PDS5B: variants seen among roughly 807,000 people sequenced by gnomAD.
The protein encoded by PDS5B is PDS5 cohesin associated factor B.
PDS5B carries 51 observed loss-of-function variants against 184.1 expected under a neutral mutation model. That is an observed-to-expected ratio of 0.28 (90% CI 0.22 to 0.35). PDS5B has a LOEUF of 0.35. Ranked by LOEUF, PDS5B falls within the 10% of genes least tolerant of loss-of-function variation. PDS5B has a pLI of 1.00. For missense variants in PDS5B, 1,180 were observed against 1,723.3 expected (o/e 0.68, Z 5.58); for synonymous variants, 566 against 569.2 (o/e 0.99, Z 0.08).
intron 1 of PDS5B, among the ~76,000 whole-genome samples, chr13:32,609,763 A>C (rs2058112882): frequency 6.6e-6 from 1 of 152,162 alleles, no homozygotes; most frequent in African/African-American, 2.4e-5. Flanking sequence ...GTTGGTCATG[A>C]AGAGTCCAAA....
intron 1 of PDS5B, among the ~76,000 whole-genome samples, chr13:32,628,534 A>G (rs2058404216): frequency 2.0e-5 from 3 of 149,396 alleles, no homozygotes; most frequent in South Asian, 2.1e-4. Context: ...GGCGACACAG[A>G]GAGACTCCCA....
chr13:32,743,133 T>C (rs1034173172), intron 23 of PDS5B, among the ~76,000 whole-genome samples: 1 of 152,046 alleles, frequency 6.6e-6, no homozygotes, highest in Non-Finnish European at 1.5e-5. Context: ...AAGTAAATTA[T>C]TGAAAATGAG....
intron 1 of PDS5B, among the ~76,000 whole-genome samples, chr13:32,642,580 C>T (rs1950125947): frequency 6.6e-6 from 1 of 152,138 alleles, no homozygotes; most frequent in East Asian, 1.9e-4. Flanking sequence ...TGTATATTCA[C>T]AGAGGTGTTT....
chr13:32,629,232 T>G (rs906673213), intron 1 of PDS5B, among the ~76,000 whole-genome samples: 90 of 152,348 alleles, frequency 5.9e-4, no homozygotes, highest in African/African-American at 2.0e-3. Flanking sequence ...AAAATAAGTT[T>G]GAAGAATCAT....
chr13:32,624,179 A>T lies in PDS5B; in HGVS notation c.-19-24575A>T, dbSNP rs929181158. On this transcript the variant is annotated intron_variant, in intron 1 of 34. Transcript: ENST00000315596. ...CCATGTTGATGTTGCCTAGCATTTT[A>T]TTCTCCCTTTTATCCCCCAAATTAT... Among the ~76,000 whole-genome samples, 5 of 152,216 alleles carry T rather than the reference A, an allele frequency of 3.3e-5. No individual in the cohort carries two copies. In the East Asian group the frequency reaches 7.7e-4, roughly 23 times the overall value.
intron 26 of PDS5B, among the ~76,000 whole-genome samples, chr13:32,756,940 T>C (rs1275938898): frequency 6.6e-6 from 1 of 151,930 alleles, no homozygotes; most frequent in African/African-American, 2.4e-5. Flanking sequence ...CTGGGCAACA[T>C]GGCAAAACCC....
intron 9 of PDS5B, among the ~76,000 whole-genome samples, chr13:32,677,766 G>A (rs866676204): frequency 4.0e-5 from 6 of 151,860 alleles, no homozygotes; most frequent in Admixed American, 2.0e-4. Context: ...TAGTTTCTTA[G>A]GTGTTGAATG....
intron 1 of PDS5B, among the ~76,000 whole-genome samples, chr13:32,593,373 C>G (rs2057805791): frequency 6.6e-6 from 1 of 152,192 alleles, no homozygotes; most frequent in African/African-American, 2.4e-5. Flanking sequence ...ATAACATAAA[C>G]AGTCAGTTAA....
intron 6 of PDS5B, among the ~76,000 whole-genome samples, chr13:32,665,625 A>T (rs1950772492): frequency 6.8e-6 from 1 of 148,078 alleles, no homozygotes; most frequent in Non-Finnish European, 1.5e-5. Flanking sequence ...GAAAATAAAC[A>T]TCTTTACAAC....
chr13:32,760,542 C>G (rs746115408), intron 29 of PDS5B, 33 bp from the exon 30 acceptor site: 1 of 1,601,334 alleles, frequency 6.2e-7, no homozygotes, highest in Non-Finnish European at 8.5e-7. Context: ...TGGCTTTAAC[C>G]AAATAAAAAG....
chr13:32,774,907 G>A, intron 34 of PDS5B, 110 bp from the exon 35 acceptor site: 1 of 1,082,618 alleles, frequency 9.2e-7, no homozygotes, highest in East Asian at 2.4e-5. Flanking sequence ...GGAAAGGAAA[G>A]CAAAGAAAAT....
At chr13:32,600,249 C>G (rs2057952326) in intron 1 of PDS5B, among the ~76,000 whole-genome samples, 3 of 152,126 alleles carry the variant, frequency 2.0e-5, no homozygotes, top group Admixed American at 1.3e-4. Context: ...GGACTTTTGA[C>G]TCTTTTTTCC....
rs564330098 is a variant in PDS5B, at chr13:32,703,873, C to A, written c.1856+2435C>A. Among the ~76,000 whole-genome samples the A allele has an allele frequency of 5.7e-3, 862 of 151,350 alleles. 14 individuals are homozygous for A. The highest frequency in any genetic ancestry group is 0.02 in the African/African-American group (814 of 41,232). On this transcript the variant is annotated intron_variant, in intron 17 of 34. Coordinates refer to ENST00000315596, the MANE Select transcript of PDS5B (RefSeq NM_015032.4). ...ATTAATAAGGTTGAACTTTTTTTTT[C>A]ATTTATGTCTTGGCTAATTTTATCC...
intron 1 of PDS5B, among the ~76,000 whole-genome samples, chr13:32,595,004 G>A (rs1245698845): frequency 6.6e-6 from 1 of 152,082 alleles, no homozygotes; most frequent in East Asian, 1.9e-4. Context: ...AAGGCTTCTA[G>A]TAACAACTAT....
intron 19 of PDS5B, among the ~76,000 whole-genome samples, chr13:32,715,958 G>A (rs1212138039): frequency 3.3e-5 from 5 of 152,278 alleles, no homozygotes; most frequent in Non-Finnish European, 7.3e-5. Flanking sequence ...GGTTCACTCA[G>A]TGCTCAATGG....
intron 24 of PDS5B, among the ~76,000 whole-genome samples, chr13:32,752,056 T>C (rs1336751518): frequency 7.8e-6 from 1 of 128,872 alleles, no homozygotes; most frequent in Non-Finnish European, 1.8e-5. Flanking sequence ...CCTTATTTAA[T>C]TGGTGGAGTG....
At chr13:32,682,094 G>A (rs1300470231) in intron 10 of PDS5B, among the ~76,000 whole-genome samples, 2 of 152,092 alleles carry the variant, frequency 1.3e-5, no homozygotes, top group Non-Finnish European at 2.9e-5. Flanking sequence ...TAATTGATAA[G>A]GTATTTGGAT....
chr13:32,655,459 A>G (rs1233530196), intron 3 of PDS5B, among the ~76,000 whole-genome samples: 3 of 143,402 alleles, frequency 2.1e-5, no homozygotes, highest in Non-Finnish European at 3.0e-5. Flanking sequence ...GCTCACTGCA[A>G]CCTCCGTTTC....
intron 6 of PDS5B, among the ~76,000 whole-genome samples, chr13:32,667,404 G>A (rs967553595): frequency 2.6e-4 from 39 of 152,024 alleles, no homozygotes; most frequent in African/African-American, 8.9e-4. Context: ...ATTCTCTTAG[G>A]ATATTTTGTG....
Sources: allele counts gnomAD v4.1 joint callset (sites outside exome capture counted in the v4.1 genomes callset), GRCh38; gene constraint gnomAD v4.1.1; transcripts MANE v1.5; gene names NCBI Gene and HGNC (gene_info 2026-07-23, HGNC 2026-07-21).